GREB1: variants seen among roughly 807,000 people sequenced by gnomAD.
The protein encoded by GREB1 is protein GREB1.
A neutral mutation model predicts 200.7 loss-of-function variants in GREB1; 106 were observed. The observed-to-expected ratio is 0.53, with a 90% CI of 0.45 to 0.62. The LOEUF (loss-of-function observed/expected upper bound fraction) is 0.62, where lower values mean the gene tolerates loss of function less well. Among genes scored for constraint, GREB1 ranks in the 20% least tolerant of loss-of-function variants. GREB1 has a pLI of 0.00. For synonymous variants in GREB1, 1,132 were observed against 1,092.4 expected (o/e 1.04, Z -0.72); for missense variants, 2,243 against 2,556.8 (o/e 0.88, Z 2.65).
At position 11,629,938 on chromosome 2, in the gene GREB1, C is replaced by G; in HGVS notation, c.4450-10C>G. 6.2e-7 allele frequency: 1 copy of G among 1,613,366 alleles called. No individual in the cohort carries two copies. Among genetic ancestry groups the G allele is most frequent in the Non-Finnish European group, 8.5e-7 (1 of 1,179,518 alleles). On this transcript the variant is annotated splice_polypyrimidine_tract_variant and intron_variant, in intron 25 of 32. Coordinates refer to ENST00000381486, the MANE Select transcript of GREB1 (RefSeq NM_014668.4). The surrounding 1 kb of genome is among the most constrained non-coding windows in gnomAD (Gnocchi z 5.2). ...TGACGGCAAGCTCTGTCCTTTCCCC[C>G]ACACCCCAGCTGTATGAGTCCACCC...
At chr2:11,515,007 C>T (rs1322066668) in intron 1 of GREB1, among the ~76,000 whole-genome samples, 2 of 152,046 alleles carry the variant, frequency 1.3e-5, no homozygotes, top group Non-Finnish European at 2.9e-5. Flanking sequence ...TCCATCCTCT[C>T]ATCTCTTCCC....
intron 1 of GREB1, among the ~76,000 whole-genome samples, chr2:11,499,024 T>TG (rs951459803): frequency 3.3e-5 from 5 of 151,968 alleles, no homozygotes; most frequent in Non-Finnish European, 5.9e-5. Flanking sequence ...TTCCTGGTGG[T>TG]GGGGGGGTGG....
In GREB1 at chr2:11,640,768, A is replaced by G. The variant is rs1410854195; in HGVS notation, c.*314A>G. 6.8e-6 allele frequency: 2 copies of G among 294,498 alleles called. No homozygotes were observed. Among genetic ancestry groups the G allele is most frequent in the Admixed American group, 5.5e-5 (1 of 18,280 alleles). 18.2% of individuals were successfully genotyped at this position (294,498 alleles called of 1,614,324 possible). On this transcript the variant is annotated 3_prime_UTR_variant, in exon 33 of 33. Transcript: ENST00000381486. The surrounding 1 kb of genome is among the most constrained non-coding windows in gnomAD (Gnocchi z 4.6). ...CTGCCATTCGTGTGCTTCCATGGAC[A>G]AACCTGATTTTTTTCTCTTAGTTCT...
chr2:11,612,350 T>C lies in GREB1; in HGVS notation c.3007-145T>C, dbSNP rs571695122. ...GGTGGCCAAGTGGATGGTGTGCTTA[T>C]TTGCAGTCTAAAGAAATTTCCTTTT... On this transcript the variant is annotated intron_variant, in intron 18 of 32. Transcript: ENST00000381486. 9.3e-6 allele frequency: 13 copies of C among 1,403,952 alleles called. No homozygotes were observed. In the African/African-American group the frequency reaches 1.9e-4, roughly 20 times the overall value. The allele number at this position is 1,403,952 out of a possible 1,614,324, so 87.0% of individuals were successfully genotyped here.
At chr2:11,638,248 C>G (rs1685541698) in intron 31 of GREB1, among the ~76,000 whole-genome samples, 1 of 152,214 alleles carries the variant, frequency 6.6e-6, no homozygotes, top group African/African-American at 2.4e-5. Flanking sequence ...TCAAGTGATT[C>G]TCCTGCCTCA....
rs149640017 is a variant in GREB1 at position 11,634,326 on chromosome 2, G to A, written c.5187G>A (p.Gln1729=). ...TCATCCTGAACGTGGACCTGACCCAGAACGTGCAGTACAACCAGAACCGGT... is the reference window on the plus strand; with the variant it reads ...TCATCCTGAACGTGGACCTGACCCAAAACGTGCAGTACAACCAGAACCGGT... ...NFIILNVDLT[Q]NVQYNQNRFL... Residue 1729 remains glutamine, a synonymous_variant, in exon 29 of 33, where the codon CAG becomes CAA. Coordinates refer to ENST00000381486, the MANE Select transcript of GREB1 (RefSeq NM_014668.4). The A allele has an allele frequency of 1.7e-5, 28 of 1,613,998 alleles. No homozygotes were observed. Among genetic ancestry groups the A allele is most frequent in the African/African-American group, 2.7e-5 (2 of 75,064 alleles).
intron 1 of GREB1, among the ~76,000 whole-genome samples, chr2:11,541,449 G>C (rs970401048): frequency 6.6e-6 from 1 of 152,000 alleles, no homozygotes; most frequent in African/African-American, 2.4e-5. Context: ...AAGTGAGAGG[G>C]GGGCCATGGG....
intron 16 of GREB1, among the ~76,000 whole-genome samples, chr2:11,601,285 T>C (rs554319324): frequency 3.0e-4 from 46 of 152,340 alleles, no homozygotes; most frequent in African/African-American, 1.1e-3. Context: ...TTCTATGGCA[T>C]TGAATGGAGA....
intron 1 of GREB1, among the ~76,000 whole-genome samples, chr2:11,526,820 AGCGCT>A (rs1673893123): frequency 6.6e-6 from 1 of 152,122 alleles, no homozygotes; most frequent in African/African-American, 2.4e-5. Flanking sequence ...AGCCTCCCAA[AGCGCT>A]GAGATTATAG....
intron 1 of GREB1, among the ~76,000 whole-genome samples, chr2:11,516,689 C>T (rs1002462881): frequency 1.3e-5 from 2 of 152,212 alleles, no homozygotes; most frequent in African/African-American, 4.8e-5. Context: ...TACCCAAGCT[C>T]CCCGCCCCAA....
Position 11,597,862 on chromosome 2 carries a change from C to G in GREB1, c.2036C>G (p.Ala679Gly). 1 of 1,614,040 alleles carries G rather than the reference C, an allele frequency of 6.2e-7. No homozygotes were observed. The highest frequency in any genetic ancestry group is 8.5e-7 in the Non-Finnish European group (1 of 1,179,886). The change falls in exon 14 of 33, where the codon GCG becomes GGG. Residue 679 changes from alanine to glycine, a missense_variant. Physicochemically the swap from Ala to Gly is moderately conservative, Grantham distance 60 (BLOSUM62 0). Transcript: ENST00000381486. The surrounding 1 kb of genome is among the most constrained non-coding windows in gnomAD (Gnocchi z 4.1). ...QKLLSHVCSI[A>G]DSSTQNLDLG... The stretch of plus-strand genomic sequence containing the variant: ...CTCCTCTCCCATGTGTGTTCCATTG[C>G]GGATTCCAGCACCCAAAATCTGGAC...
At position 11,618,297 on chromosome 2, in the gene GREB1, T is replaced by C. The variant is rs1683677596; in HGVS notation, c.3422T>C (p.Leu1141Pro). 1 of 1,556,222 alleles carries C rather than the reference T, an allele frequency of 6.4e-7. No homozygotes were observed. The highest frequency in any genetic ancestry group is 1.9e-5 in the Admixed American group (1 of 52,984). Residue 1141 changes from leucine (L) to proline (P), a missense_variant, in exon 22 of 33, where the codon CTC (leucine) becomes CCC (proline). Leu to Pro is a moderately conservative substitution (Grantham distance 98). Coordinates refer to ENST00000381486, the MANE Select transcript of GREB1 (RefSeq NM_014668.4). ...GTTCGTCTCTCCTCAGGTTCAGCGC[T>C]CGGTGGCGAGTCCTCGGCTCAGCCC... Reference protein sequence around the residue: ...SLSSKASGSALGGESSAQPTA... With the variant: ...SLSSKASGSAPGGESSAQPTA...
chr2:11,496,417 C>T (rs1167357653), intron 1 of GREB1, among the ~76,000 whole-genome samples: 1 of 152,142 alleles, frequency 6.6e-6, no homozygotes, highest in Admixed American at 6.6e-5. Flanking sequence ...ATGCTCCCTT[C>T]TAATCCCCAT....
At chr2:11,593,997 G>A (rs1680980585) in intron 11 of GREB1, among the ~76,000 whole-genome samples, 1 of 152,108 alleles carries the variant, frequency 6.6e-6, no homozygotes, top group South Asian at 2.1e-4. Context: ...CTTTAAAAGT[G>A]CAGAATTTAA....
At chr2:11,602,367 A>G in intron 16 of GREB1, 39 bp from the exon 17 acceptor site, 1 of 1,597,578 alleles carries the variant, frequency 6.3e-7, no homozygotes, top group Non-Finnish European at 8.6e-7. Flanking sequence ...GTCCCTGCGA[A>G]TGCAGTGTTG....
intron 3 of GREB1, among the ~76,000 whole-genome samples, chr2:11,564,860 G>C (rs186929042): frequency 1.7e-4 from 26 of 152,308 alleles, no homozygotes; most frequent in African/African-American, 6.3e-4. Context: ...GGGGAGGCCT[G>C]ACAATCATGG....
intron 2 of GREB1, among the ~76,000 whole-genome samples, chr2:11,559,605 C>T (rs1202773479): frequency 6.6e-6 from 1 of 152,222 alleles, no homozygotes; most frequent in East Asian, 1.9e-4. Flanking sequence ...CCTTATTTCA[C>T]TGATAGTTGG....
At chr2:11,589,585 G>A (rs112471787) in intron 10 of GREB1, among the ~76,000 whole-genome samples, 24 of 152,274 alleles carry the variant, frequency 1.6e-4, no homozygotes, top group African/African-American at 5.8e-4. Flanking sequence ...AGCCATTGGA[G>A]TATTTTTAGA....
chr2:11,492,589 C>T lies in GREB1; in HGVS notation c.-159+10208C>T, dbSNP rs1672796255. On this transcript the variant is annotated intron_variant, in intron 1 of 2. Coordinates refer to the GREB1 transcript ENST00000628795. This position sits in a 1 kb window ranked among gnomAD's most constrained non-coding sequence, Gnocchi z 4.0. ...GGGTCCCCCCTGAGCTGAGTTCCCA[C>T]TCACTGGGGCCTGTGAGTGCATGAA... is the stretch of plus-strand genomic sequence containing the variant. Among the ~76,000 whole-genome samples, 1 of 152,202 alleles carries T rather than the reference C, an allele frequency of 6.6e-6. No individual in the cohort carries two copies. Among genetic ancestry groups the T allele is most frequent in the Non-Finnish European group, 1.5e-5 (1 of 68,042 alleles).
Sources: gnomAD v4.1 joint callset for allele counts (sites outside exome capture counted in the v4.1 genomes callset) on GRCh38, gnomAD v4.1.1 for gene constraint, Gnocchi (gnomAD v3.1) non-coding constraint, MANE v1.5 for transcripts, NCBI Gene and HGNC (gene_info 2026-07-23, HGNC 2026-07-21) for gene names.